The following LRP8 variants were observed in gnomAD, a reference collection of about 807,000 sequenced individuals.
LRP8 encodes LDL receptor related protein 8.
LRP8 carries 46 observed loss-of-function variants against 111.6 expected under a neutral mutation model. That is an observed-to-expected ratio of 0.41 (90% CI 0.33 to 0.53). LRP8 has a LOEUF of 0.53. LRP8 is among the 20% of genes least tolerant of loss of function. The pLI, the probability that LRP8 is intolerant of heterozygous loss-of-function variation, is 0.20. For synonymous variants in LRP8, 464 were observed against 511.2 expected, an observed-to-expected ratio of 0.91 and a Z score of 1.24; for missense variants, 959 against 1,297.4, an observed-to-expected ratio of 0.74 and a Z score of 4.01.
chr1:53,327,063 C>T, intron 1 of LRP8, 71 bp from the exon 2 acceptor site: 1 of 1,570,012 alleles, frequency 6.4e-7, no homozygotes, highest in Non-Finnish European at 8.6e-7. Context: ...GTCCGGGCCA[C>T]CCGGAAGGAC....
chr1:53,309,864 G>A (rs148100293), intron 2 of LRP8, among the ~76,000 whole-genome samples: 112 of 152,192 alleles, frequency 7.4e-4, no homozygotes, highest in African/African-American at 2.4e-3. Context: ...AGTGATCGCC[G>A]TTATTCATAT....
At chr1:53,327,616 C>CG (rs1395308111) in intron 1 of LRP8, among the ~76,000 whole-genome samples, 173 bp downstream of exon 1, 2 of 151,454 alleles carry the variant, frequency 1.3e-5, no homozygotes, top group East Asian at 3.9e-4. Flanking sequence ...CCGAGGCCCG[C>CG]GGGGGCGGGG....
At chr1:53,274,639 A>C in intron 6 of LRP8, 1 of 454,872 alleles carries the variant, frequency 2.2e-6, no homozygotes, top group Non-Finnish European at 4.4e-6. Flanking sequence ...TTGAGCCTAG[A>C]TACCAGGAGG....
rs1651273116 is a variant in LRP8 at position 53,303,025 on chromosome 1, T to C, written c.245-13336A>G. Among the ~76,000 whole-genome samples, 1 of 152,090 alleles carries C rather than the reference T, an allele frequency of 6.6e-6. No individual in the cohort carries two copies. Among genetic ancestry groups the C allele is most frequent in the Non-Finnish European group, 1.5e-5 (1 of 68,000 alleles). ...AGCCTCAGCTTCCTCAACAATAAAA[T>C]GGGGCTAACCACCTCAGAGGGTGGG... On this transcript the variant is annotated intron_variant, in intron 2 of 18. Coordinates refer to ENST00000306052, the MANE Select transcript of LRP8 (RefSeq NM_004631.5). This position sits in a 1 kb window ranked among gnomAD's most constrained non-coding sequence, Gnocchi z 4.3.
Position 53,284,310 on chromosome 1 carries a change from C to G in LRP8, c.368-3595G>C, listed in dbSNP as rs1422054005. Among the ~76,000 whole-genome samples, 4 of 152,014 alleles carry G rather than the reference C, an allele frequency of 2.6e-5. No individual in the cohort carries two copies. In the East Asian group the frequency reaches 6.0e-4, roughly 23 times the overall value. ...CCTGGGCCACTTACTTACTACATAC[C>G]TGGGCCACTTACTGCACTACAGCAG... On this transcript the variant is annotated intron_variant, in intron 3 of 18. Transcript: ENST00000306052.
chr1:53,258,516 C>T, intron 13 of LRP8, 45 bp from the exon 14 acceptor site: 1 of 1,586,562 alleles, frequency 6.3e-7, no homozygotes, highest in Non-Finnish European at 8.6e-7. Context: ...CAGGACATGC[C>T]AGGTCTTCCT....
chr1:53,245,838 C>T lies in LRP8; in HGVS notation c.*1180G>A, dbSNP rs1557735979. 6.6e-6 allele frequency: 1 copy of T among 152,594 alleles called. No homozygotes were observed. The highest frequency in any genetic ancestry group is 1.5e-5 in the Non-Finnish European group (1 of 68,034). 9.5% of individuals were successfully genotyped at this position (152,594 alleles called of 1,614,324 possible). A position where few individuals can be genotyped will look rare whatever the true frequency, so the allele number is the denominator to read the frequency against. ...CCTATTCCACCATCTTTATCTTCAT[C>T]CACAGCATGTCCTAGACATTCAGTG... On this transcript the variant is annotated 3_prime_UTR_variant, in exon 19 of 19. Coordinates refer to ENST00000306052, the MANE Select transcript of LRP8 (RefSeq NM_004631.5).
chr1:53,285,608 C>T (rs536006514), intron 3 of LRP8, among the ~76,000 whole-genome samples: 2 of 152,308 alleles, frequency 1.3e-5, no homozygotes, highest in East Asian at 3.9e-4. Flanking sequence ...ACACTCAGAG[C>T]CTGGAACAAA....
In LRP8 at chr1:53,317,738, G is replaced by A. The variant is rs560604121; in HGVS notation, c.244+9135C>T. On this transcript the variant is annotated intron_variant, in intron 2 of 18. Transcript: ENST00000306052. The surrounding 1 kb of genome is among the most constrained non-coding windows in gnomAD (Gnocchi z 4.9). ...CTCCGGAATATGGGCTCATTTTCCC[G>A]CTTTCGGAAAGTCTCATGAAGCTGG... 2.6e-4 allele frequency among the ~76,000 whole-genome samples: 39 copies of A among 152,290 alleles called. No individual in the cohort carries two copies. The highest frequency in any genetic ancestry group is 7.5e-4 in the African/African-American group (31 of 41,554).
chr1:53,319,216 A>G (rs953861599), intron 2 of LRP8, among the ~76,000 whole-genome samples: 2 of 152,180 alleles, frequency 1.3e-5, no homozygotes, highest in African/African-American at 4.8e-5. Context: ...GGATTACGGC[A>G]GGTTGAGAGG....
intron 2 of LRP8, among the ~76,000 whole-genome samples, chr1:53,297,076 C>A (rs1649867925): frequency 6.6e-6 from 1 of 152,020 alleles, no homozygotes; most frequent in African/African-American, 2.4e-5. Context: ...GATTCAAATC[C>A]TAACCCCTCC....
intron 12 of LRP8, among the ~76,000 whole-genome samples, chr1:53,261,139 C>A (rs186224317): frequency 7.3e-4 from 111 of 152,310 alleles, no homozygotes; most frequent in African/African-American, 2.4e-3. Flanking sequence ...ACACAAAAAG[C>A]TACATTTGCC....
chr1:53,318,243 T>G (rs981071990), intron 2 of LRP8, among the ~76,000 whole-genome samples: 10 of 150,194 alleles, frequency 6.7e-5, no homozygotes, highest in African/African-American at 2.4e-4. Flanking sequence ...TCTTCTGCTT[T>G]TTTTTTTTTT....
rs1019863350 is a variant in LRP8, at chr1:53,264,852, A to C, written c.1428-456T>G. The stretch of plus-strand genomic sequence containing the variant: ...GGTGAGTCTGCTCTGGAACAGTGAG[A>C]TACTTAGGGGAGCTGCTTATGTGGG... On this transcript the variant is annotated intron_variant, in intron 9 of 18. Transcript: ENST00000306052. 2.0e-5 allele frequency among the ~76,000 whole-genome samples: 3 copies of C among 152,120 alleles called. No homozygotes were observed. The East Asian group carries it at 5.8e-4, about 29-fold the overall frequency.
intron 3 of LRP8, among the ~76,000 whole-genome samples, chr1:53,281,766 A>C (rs1430502966): frequency 6.6e-6 from 1 of 152,242 alleles, no homozygotes; most frequent in African/African-American, 2.4e-5. Context: ...TAGGATTGTT[A>C]TGATGACTAA....
chr1:53,325,992 C>T (rs1655072945), intron 2 of LRP8, among the ~76,000 whole-genome samples: 1 of 152,136 alleles, frequency 6.6e-6, no homozygotes, highest in Non-Finnish European at 1.5e-5. Context: ...CCTGTGCACT[C>T]TGAGAAGAAA....
chr1:53,269,776 A>T (rs1442666352), intron 8 of LRP8, among the ~76,000 whole-genome samples: 1 of 152,018 alleles, frequency 6.6e-6, no homozygotes, highest in African/African-American at 2.4e-5. Flanking sequence ...TATTTTATGT[A>T]TTTATCTGAT....
intron 15 of LRP8, among the ~76,000 whole-genome samples, chr1:53,255,661 T>C (rs1454922649): frequency 6.6e-6 from 1 of 152,196 alleles, no homozygotes; most frequent in Non-Finnish European, 1.5e-5. Flanking sequence ...TCATAAGTAA[T>C]TGAAATGGGA....
At chr1:53,304,398 C>T (rs1651566454) in intron 2 of LRP8, 1 of 152,254 alleles carries the variant, frequency 6.6e-6, no homozygotes, top group Non-Finnish European at 1.5e-5. Flanking sequence ...GAGGGGGTCC[C>T]CAGGCCCACT....
Sources: allele counts gnomAD v4.1 joint callset (sites outside exome capture counted in the v4.1 genomes callset), GRCh38; gene constraint gnomAD v4.1.1; non-coding constraint Gnocchi (gnomAD v3.1); transcripts MANE v1.5; gene names NCBI Gene and HGNC (gene_info 2026-07-23, HGNC 2026-07-21).